The following GNG7 variants were observed in gnomAD, a reference collection of about 807,000 sequenced individuals.
GNG7 encodes the protein guanine nucleotide-binding protein G(I)/G(S)/G(O) subunit gamma-7.
GNG7 carries 1 observed loss-of-function variant against 4.0 expected under a neutral mutation model. The ratio of observed to expected loss-of-function variants is 0.25; its 90% CI spans 0.09 to 1.18. The LOEUF (loss-of-function observed/expected upper bound fraction) is 1.18. Ranked by LOEUF, GNG7 falls within the 50% of genes most tolerant of loss-of-function variation. The pLI is 0.50. For missense variants in GNG7, 86 were observed against 91.9 expected (o/e 0.94, Z 0.26); for synonymous variants, 34 against 36.9 (o/e 0.92, Z 0.29).
At chr19:2,519,267 C>T (rs1460877449) in intron 4 of GNG7, among the ~76,000 whole-genome samples, 2 of 149,532 alleles carry the variant, frequency 1.3e-5, no homozygotes, top group Non-Finnish European at 3.0e-5. Flanking sequence ...TCTCCTGCCT[C>T]AGCCTCCCAA....
Position 2,617,878 on chromosome 19 carries a change from C to T in GNG7, c.-78+28346G>A, listed in dbSNP as rs1396553123. 6.6e-6 allele frequency among the ~76,000 whole-genome samples: 1 copy of T among 151,894 alleles called. No homozygotes were observed. The highest frequency in any genetic ancestry group is 2.4e-5 in the African/African-American group (1 of 41,316). On this transcript the variant is annotated intron_variant, in intron 2 of 4. Coordinates refer to ENST00000382159, the MANE Select transcript of GNG7 (RefSeq NM_052847.3). This position sits in a 1 kb window ranked among gnomAD's most constrained non-coding sequence, Gnocchi z 4.7. ...GAACTACAGGTGTGCACCACCATGC[C>T]CGGCTAATTTTTTAAATGTTTTGTA...
At chr19:2,604,980 G>A (rs2144815982) in intron 2 of GNG7, among the ~76,000 whole-genome samples, 1 of 152,264 alleles carries the variant, frequency 6.6e-6, no homozygotes, top group South Asian at 2.1e-4. Flanking sequence ...CACGGATCTG[G>A]TGGCTTAAAA....
intron 2 of GNG7, among the ~76,000 whole-genome samples, chr19:2,583,373 T>C (rs1399374176): frequency 6.6e-6 from 1 of 152,244 alleles, no homozygotes; most frequent in Non-Finnish European, 1.5e-5. Context: ...ACCCCCTTTG[T>C]AGACTGTGGA....
chr19:2,520,592 T>C lies in GNG7; in HGVS notation c.81+16A>G, dbSNP rs376510778. The C allele has an allele frequency of 2.0e-5, 29 of 1,476,664 alleles. No individual in the cohort carries two copies. Among genetic ancestry groups the C allele is most frequent in the Non-Finnish European group, 2.7e-5 (29 of 1,078,398 alleles). The allele number at this position is 1,476,664 out of a possible 1,614,324, so 91.5% of individuals were successfully genotyped here. On this transcript the variant is annotated intron_variant, in intron 4 of 4. Coordinates refer to ENST00000382159, the MANE Select transcript of GNG7 (RefSeq NM_052847.3). ...AGGGTCTCTCCCCTCCTCTTCCTGA[T>C]GCCCGCTGGGCTCACCTTGATGCGC...
intron 1 of GNG7, among the ~76,000 whole-genome samples, chr19:2,680,107 G>C (rs933980516): frequency 2.0e-5 from 3 of 150,310 alleles, no homozygotes; most frequent in Admixed American, 6.6e-5. Flanking sequence ...AAGCCCAGGA[G>C]TTCGAGCAGC....
intron 1 of GNG7, among the ~76,000 whole-genome samples, chr19:2,680,360 G>C (rs1328496232): frequency 6.6e-6 from 1 of 151,890 alleles, no homozygotes; most frequent in Non-Finnish European, 1.5e-5. Flanking sequence ...ATCTTGGCCA[G>C]GCTGGTCTCA....
rs529271541 is a variant in GNG7 at position 2,513,498 on chromosome 19, G to A, written c.*1524C>T. The A allele has an allele frequency of 7.1e-6, 7 of 985,410 alleles. No individual in the cohort carries two copies. Among genetic ancestry groups the A allele is most frequent in the East Asian group, 2.3e-4 (2 of 8,814 alleles). 61.0% of individuals were successfully genotyped at this position (985,410 alleles called of 1,614,324 possible). ...CGTCCGTGCCGCAGAGGAGGACGCA[G>A]TCATCTTTCAGAAGCCTCCCCCCGA... On this transcript the variant is annotated 3_prime_UTR_variant, in exon 5 of 5. Transcript: ENST00000382159.
chr19:2,530,404 C>A (rs1328480670), intron 3 of GNG7, among the ~76,000 whole-genome samples: 1 of 147,350 alleles, frequency 6.8e-6, no homozygotes, highest in Non-Finnish European at 1.5e-5. Flanking sequence ...CAGAGAGAGA[C>A]CCTGTCTCAA....
intron 1 of GNG7, among the ~76,000 whole-genome samples, chr19:2,684,188 G>C (rs529493021): frequency 3.3e-5 from 5 of 149,988 alleles, no homozygotes; most frequent in Admixed American, 3.3e-4. Flanking sequence ...CCAGGCTGGA[G>C]TGCAATGGTG....
At position 2,626,674 on chromosome 19, in the gene GNG7, G is replaced by T. The variant is rs1490292374; in HGVS notation, c.-78+19550C>A. On this transcript the variant is annotated intron_variant, in intron 2 of 4. Transcript: ENST00000382159. This position sits in a 1 kb window ranked among gnomAD's most constrained non-coding sequence, Gnocchi z 5.0. ...ACTCTTGGGCGGTGTTGTCTTCATC[G>T]GTTCACTCAATCAGGGTCTCAACTG... Among the ~76,000 whole-genome samples the T allele has an allele frequency of 6.6e-6, 1 of 152,112 alleles. No homozygotes were observed. Among genetic ancestry groups the T allele is most frequent in the Non-Finnish European group, 1.5e-5 (1 of 68,022 alleles).
intron 2 of GNG7, among the ~76,000 whole-genome samples, chr19:2,584,174 G>A (rs962189025): frequency 1.3e-5 from 2 of 151,642 alleles, no homozygotes; most frequent in Admixed American, 6.6e-5. Flanking sequence ...GGGTGCCAGT[G>A]GTTCATGCCT....
At position 2,511,959 on chromosome 19, in the gene GNG7, C is replaced by G; in HGVS notation, c.*3063G>C. The G allele has an allele frequency of 1.0e-6, 1 of 985,944 alleles. No homozygotes were observed. Among genetic ancestry groups the G allele is most frequent in the Non-Finnish European group, 1.2e-6 (1 of 829,970 alleles). The allele number at this position is 985,944 out of a possible 1,614,324, so 61.1% of individuals were successfully genotyped here. Reference sequence around the variant, plus strand: ...AGGTGGGTCACAACAGGGTCGGGGCCTGGCCCGCTGTGGCCCTTCACCTGG... The same window carrying G: ...AGGTGGGTCACAACAGGGTCGGGGCGTGGCCCGCTGTGGCCCTTCACCTGG... On this transcript the variant is annotated 3_prime_UTR_variant, in exon 5 of 5. Transcript: ENST00000382159. The surrounding 1 kb of genome is among the most constrained non-coding windows in gnomAD (Gnocchi z 6.3).
At chr19:2,624,286 T>C (rs1361999133) in intron 2 of GNG7, among the ~76,000 whole-genome samples, 2 of 151,900 alleles carry the variant, frequency 1.3e-5, no homozygotes, top group African/African-American at 2.4e-5. Context: ...TCCCAGCACT[T>C]TGGGAGGCCG....
intron 2 of GNG7, among the ~76,000 whole-genome samples, chr19:2,583,969 T>C (rs929117014): frequency 2.0e-5 from 3 of 152,076 alleles, no homozygotes; most frequent in African/African-American, 7.2e-5. Context: ...CATACATGTG[T>C]GGGTGTGGTG....
intron 2 of GNG7, among the ~76,000 whole-genome samples, chr19:2,641,159 G>A (rs1338355564): frequency 2.0e-5 from 3 of 152,258 alleles, no homozygotes; most frequent in South Asian, 2.1e-4. Context: ...AGTTGCGCCC[G>A]GCAGATCCCC....
At chr19:2,681,970 C>A (rs957932917) in intron 1 of GNG7, among the ~76,000 whole-genome samples, 1 of 152,096 alleles carries the variant, frequency 6.6e-6, no homozygotes, top group African/African-American at 2.4e-5. Context: ...AGTGCAGTGG[C>A]GCAATCTCAG....
intron 1 of GNG7, among the ~76,000 whole-genome samples, chr19:2,679,017 C>T (rs1021442532): frequency 6.6e-6 from 1 of 152,110 alleles, no homozygotes; most frequent in African/African-American, 2.4e-5. Flanking sequence ...CCATGGTGTC[C>T]GTGAGGAAAA....
At chr19:2,602,909 C>CTTTCT (rs756699922) in intron 2 of GNG7, among the ~76,000 whole-genome samples, 25 of 140,194 alleles carry the variant, frequency 1.8e-4, no homozygotes, top group African/African-American at 5.6e-4. Flanking sequence ...TTCTTTCTTT[C>CTTTCT]TTTCTTTCTT....
intron 3 of GNG7, among the ~76,000 whole-genome samples, chr19:2,549,915 AGT>A (rs1979261178): frequency 1.3e-5 from 2 of 152,232 alleles, no homozygotes; most frequent in East Asian, 3.9e-4. Context: ...AATGAAATGG[AGT>A]GTGTGGTTTT....
Sources: gnomAD v4.1 joint callset for allele counts (sites outside exome capture counted in the v4.1 genomes callset) on GRCh38, gnomAD v4.1.1 for gene constraint, Gnocchi (gnomAD v3.1) non-coding constraint, MANE v1.5 for transcripts, NCBI Gene and HGNC (gene_info 2026-07-23, HGNC 2026-07-21) for gene names.